CNBD1: variants seen among roughly 807,000 people sequenced by gnomAD.
CNBD1 encodes the protein cyclic nucleotide-binding domain-containing protein 1.
Under a neutral mutation model 54.4 loss-of-function variants are expected in CNBD1, and 71 were observed. The ratio of observed to expected loss-of-function variants is 1.30; its 90% CI spans 1.08 to 1.59. The LOEUF is 1.59. Ranked by LOEUF, CNBD1 falls within the 40% of genes most tolerant of loss-of-function variation. The pLI is 0.00. For missense variants in CNBD1, 659 were observed against 518.0 expected (o/e 1.27, Z -2.64); for synonymous variants, 182 against 170.7 (o/e 1.07, Z -0.51).
chr8:87,047,971 C>T (rs1289196310), intron 4 of CNBD1, among the ~76,000 whole-genome samples: 1 of 152,174 alleles, frequency 6.6e-6, no homozygotes, highest in Non-Finnish European at 1.5e-5. Context: ...AGGTGCCTGA[C>T]TTCTTCACAT....
At chr8:87,153,956 G>T (rs555798383) in intron 4 of CNBD1, among the ~76,000 whole-genome samples, 1 of 152,124 alleles carries the variant, frequency 6.6e-6, no homozygotes, top group Non-Finnish European at 1.5e-5. Flanking sequence ...AGAGAGACAA[G>T]TAGTGGCACG....
At chr8:87,295,385 G>A (rs1369937707) in intron 8 of CNBD1, among the ~76,000 whole-genome samples, 1 of 151,496 alleles carries the variant, frequency 6.6e-6, no homozygotes, top group Non-Finnish European at 1.5e-5. Context: ...AATGTGAACA[G>A]TATATTAGTT....
rs147191490 is a variant in CNBD1, at chr8:87,080,443, G to A, written c.432-125550G>A. ...CTAATAACGCAAAAATTAGCTGGGC[G>A]TGGTGGCACACACCTGTAATCCCAG... is the stretch of plus-strand genomic sequence containing the variant. On this transcript the variant is annotated intron_variant, in intron 4 of 10. Transcript: ENST00000518476. Among the ~76,000 whole-genome samples the A allele has an allele frequency of 7.3e-3, 1,109 of 151,946 alleles. 17 individuals are homozygous for A. Among genetic ancestry groups the A allele is most frequent in the African/African-American group, 0.024 (1,014 of 41,420 alleles).
At chr8:87,072,324 G>A (rs1297285367) in intron 4 of CNBD1, among the ~76,000 whole-genome samples, 2 of 152,118 alleles carry the variant, frequency 1.3e-5, no homozygotes, top group Non-Finnish European at 2.9e-5. Flanking sequence ...GTATTATTAT[G>A]TGTGAATTTG....
At chr8:86,882,345 T>G (rs1163732033) in intron 1 of CNBD1, among the ~76,000 whole-genome samples, 2 of 151,838 alleles carry the variant, frequency 1.3e-5, no homozygotes, top group African/African-American at 2.4e-5. Flanking sequence ...AACAACCGCA[T>G]TAAAAAGTGG....
intron 9 of CNBD1, 87 bp from the exon 10 acceptor site, chr8:87,353,549 T>A: frequency 1.2e-6 from 1 of 843,568 alleles, no homozygotes; most frequent in Non-Finnish European, 1.8e-6. Flanking sequence ...AGTAAAATGG[T>A]TTATGAGTGA....
At chr8:87,319,864 T>C (rs1476475459) in intron 8 of CNBD1, among the ~76,000 whole-genome samples, 1 of 152,108 alleles carries the variant, frequency 6.6e-6, no homozygotes, top group Non-Finnish European at 1.5e-5. Context: ...TGTATGAGCC[T>C]ACATAATTTA....
intron 2 of CNBD1, among the ~76,000 whole-genome samples, chr8:87,411,662 T>G (rs1157796342): frequency 6.6e-6 from 1 of 150,536 alleles, no homozygotes; most frequent in Non-Finnish European, 1.5e-5. Flanking sequence ...TTTTAGATTT[T>G]TTTTTTTTAC....
At chr8:87,378,969 G>A (rs1418821493) in intron 10 of CNBD1, among the ~76,000 whole-genome samples, 2 of 149,294 alleles carry the variant, frequency 1.3e-5, no homozygotes, top group African/African-American at 2.5e-5. Context: ...TGTTGTTGGT[G>A]TATAGGAATG....
In CNBD1 at chr8:87,297,032, G is replaced by T. The variant is rs76427026; in HGVS notation, c.1042+10361G>T. ...CTACTAAAAATACAAACAAAAATTG[G>T]CCGGGCTTGGTGGCGGGTGCCTGTA... On this transcript the variant is annotated intron_variant, in intron 8 of 10. Coordinates refer to ENST00000518476, the MANE Select transcript of CNBD1 (RefSeq NM_173538.3). 4.6e-5 allele frequency among the ~76,000 whole-genome samples: 7 copies of T among 151,644 alleles called. No individual in the cohort carries two copies. The East Asian group carries it at 1.2e-3, about 25-fold the overall frequency.
rs889577466 is a variant in CNBD1 at position 87,377,066 on chromosome 8, T to C, written c.1304-5554T>C. Among the ~76,000 whole-genome samples, 17 of 148,004 alleles carry C rather than the reference T, an allele frequency of 1.1e-4. No individual in the cohort carries two copies. The South Asian group carries it at 1.7e-3, about 15-fold the overall frequency. On this transcript the variant is annotated intron_variant, in intron 10 of 10. Transcript: ENST00000518476. The stretch of plus-strand genomic sequence containing the variant: ...GAAAACTCCAATTTTTATTTTTATT[T>C]CTTTATTTTATTTTATTTTATTTCT...
At chr8:87,247,599 C>G (rs924370861) in intron 6 of CNBD1, among the ~76,000 whole-genome samples, 1 of 148,968 alleles carries the variant, frequency 6.7e-6, no homozygotes, top group African/African-American at 2.5e-5. Flanking sequence ...TTCTGCGTCA[C>G]TGAAATATGC....
intron 4 of CNBD1, among the ~76,000 whole-genome samples, chr8:87,055,526 A>T (rs917715418): frequency 3.9e-5 from 6 of 152,010 alleles, no homozygotes; most frequent in Non-Finnish European, 8.8e-5. Flanking sequence ...CCCACTAATT[A>T]CACAAAGAAC....
intron 4 of CNBD1, among the ~76,000 whole-genome samples, chr8:87,160,856 T>C (rs556180971): frequency 2.5e-4 from 38 of 152,226 alleles, no homozygotes; most frequent in Middle Eastern, 3.4e-3. Flanking sequence ...AGAACACTCT[T>C]TGATGATTGG....
chr8:87,365,891 A>C (rs1810632185), intron 10 of CNBD1, among the ~76,000 whole-genome samples: 1 of 152,022 alleles, frequency 6.6e-6, no homozygotes, highest in African/African-American at 2.4e-5. Context: ...ATTCTTTATT[A>C]TTTGTTCAAG....
At chr8:87,033,365 C>A (rs777118075) in intron 4 of CNBD1, among the ~76,000 whole-genome samples, 21 of 152,112 alleles carry the variant, frequency 1.4e-4, no homozygotes, top group Non-Finnish European at 2.8e-4. Context: ...GGTCATTGTT[C>A]AATAACAATA....
intron 1 of CNBD1, among the ~76,000 whole-genome samples, chr8:86,884,391 GTTTA>G (rs989978531): frequency 8.6e-5 from 13 of 151,964 alleles, no homozygotes; most frequent in Non-Finnish European, 8.8e-5. Flanking sequence ...GCCTCTGAAG[GTTTA>G]TTTAGTCACC....
intron 2 of CNBD1, among the ~76,000 whole-genome samples, chr8:87,413,073 C>G (rs1417405794): frequency 6.6e-6 from 1 of 151,842 alleles, no homozygotes; most frequent in East Asian, 1.9e-4. Flanking sequence ...TTTAGGGGCT[C>G]ACAAGGGGCT....
At chr8:86,956,398 T>C (rs193173078) in intron 4 of CNBD1, among the ~76,000 whole-genome samples, 281 of 152,318 alleles carry the variant, frequency 1.8e-3, no homozygotes, top group African/African-American at 6.2e-3. Context: ...GGGGATGGCA[T>C]TGAATCTATA....
Sources: allele counts gnomAD v4.1 joint callset (sites outside exome capture counted in the v4.1 genomes callset), GRCh38; gene constraint gnomAD v4.1.1; transcripts MANE v1.5; gene names NCBI Gene and HGNC (gene_info 2026-07-23, HGNC 2026-07-21).